The following PPM1E variants were observed in gnomAD, a reference collection of about 807,000 sequenced individuals.
PPM1E encodes the protein protein phosphatase 1E.
A neutral mutation model predicts 65.9 loss-of-function variants in PPM1E; 20 were observed. That is an observed-to-expected ratio of 0.30 (90% confidence interval 0.21 to 0.44). The LOEUF (loss-of-function observed/expected upper bound fraction) is 0.44, where lower values mean the gene tolerates loss of function less well. Among genes scored for constraint, PPM1E ranks in the 20% least tolerant of loss-of-function variants. PPM1E has a pLI of 1.00. For missense variants in PPM1E, 713 were observed against 953.1 expected, an observed-to-expected ratio of 0.75 and a Z score of 3.32; for synonymous variants, 352 against 374.9, an observed-to-expected ratio of 0.94 and a Z score of 0.70.
chr17:58,826,304 C>CAAAAAAAAAAAAAAAAAAAA (rs11479413), intron 1 of PPM1E, among the ~76,000 whole-genome samples: 1 of 111,044 alleles, frequency 9.0e-6, no homozygotes. Context: ...GACTCGATCT[C>CAAAAAAAAAAAAAAAAAAAA]AAAAAAAAAA....
chr17:58,867,143 G>A (rs748747483), intron 1 of PPM1E, among the ~76,000 whole-genome samples: 12 of 152,158 alleles, frequency 7.9e-5, no homozygotes, highest in Middle Eastern at 3.2e-3. Flanking sequence ...GCCACACCCA[G>A]CTAATGTTTG....
At chr17:58,921,045 A>G (rs1223527295) in intron 1 of PPM1E, among the ~76,000 whole-genome samples, 1 of 152,220 alleles carries the variant, frequency 6.6e-6, no homozygotes, top group Non-Finnish European at 1.5e-5. Flanking sequence ...TGATAGTCCA[A>G]ATAAAATGAA....
chr17:58,896,086 G>T (rs2051410931), intron 1 of PPM1E, among the ~76,000 whole-genome samples: 1 of 147,646 alleles, frequency 6.8e-6, no homozygotes, highest in Non-Finnish European at 1.5e-5. Context: ...CTGCACTCCA[G>T]CCTGGGTGAC....
At chr17:58,884,798 T>A (rs2051246710) in intron 1 of PPM1E, among the ~76,000 whole-genome samples, 2 of 152,324 alleles carry the variant, frequency 1.3e-5, no homozygotes, top group South Asian at 4.1e-4. Context: ...AATTAATTAG[T>A]TAATTAAAAT....
intron 1 of PPM1E, among the ~76,000 whole-genome samples, chr17:58,802,958 G>A (rs182708522): frequency 1.3e-5 from 2 of 152,076 alleles, no homozygotes; most frequent in Admixed American, 1.3e-4. Flanking sequence ...ATATATATTA[G>A]ATCATGCCAT....
At chr17:58,785,578 G>T (rs1049832046) in intron 1 of PPM1E, 11 of 148,878 alleles carry the variant, frequency 7.4e-5, no homozygotes, top group Admixed American at 2.7e-4. Context: ...CCAAAGTGCC[G>T]GGATTACAGG....
chr17:58,865,069 A>G (rs973142179), intron 1 of PPM1E, among the ~76,000 whole-genome samples: 4 of 152,068 alleles, frequency 2.6e-5, no homozygotes, highest in Admixed American at 6.6e-5. Flanking sequence ...GGTCCATCCT[A>G]TGAGGGAGAA....
At chr17:58,782,348 G>A (rs1340329120) in intron 1 of PPM1E, among the ~76,000 whole-genome samples, 6 of 151,264 alleles carry the variant, frequency 4.0e-5, no homozygotes, top group African/African-American at 1.5e-4. Flanking sequence ...TTTTTAAAAG[G>A]CAAGTGCAAC....
At chr17:58,803,442 G>C (rs973093737) in intron 1 of PPM1E, among the ~76,000 whole-genome samples, 2 of 152,126 alleles carry the variant, frequency 1.3e-5, no homozygotes, top group African/African-American at 4.8e-5. Context: ...TGATCATGGT[G>C]CATAGTCTTT....
chr17:58,934,904 G>A (rs2051957218), intron 1 of PPM1E, among the ~76,000 whole-genome samples: 1 of 150,584 alleles, frequency 6.6e-6, no homozygotes, highest in Non-Finnish European at 1.5e-5. Flanking sequence ...TCCAGCCTGG[G>A]CGACAGAGCG....
chr17:58,898,542 T>C (rs1163872319), intron 1 of PPM1E, among the ~76,000 whole-genome samples: 1 of 152,136 alleles, frequency 6.6e-6, no homozygotes, highest in African/African-American at 2.4e-5. Context: ...GAAATAGGAA[T>C]GCTTTTACAC....
At chr17:58,841,290 C>A (rs2050715089) in intron 1 of PPM1E, among the ~76,000 whole-genome samples, 1 of 152,110 alleles carries the variant, frequency 6.6e-6, no homozygotes, top group South Asian at 2.1e-4. Flanking sequence ...ATAGTGACTT[C>A]CTTCCAGAGT....
At chr17:58,919,219 A>G (rs532496518) in intron 1 of PPM1E, among the ~76,000 whole-genome samples, 2 of 152,238 alleles carry the variant, frequency 1.3e-5, no homozygotes, top group Non-Finnish European at 2.9e-5. Context: ...GAAGAAAACC[A>G]TAAGAGAAAT....
At chr17:58,857,543 T>C (rs2050896042) in intron 1 of PPM1E, among the ~76,000 whole-genome samples, 1 of 152,172 alleles carries the variant, frequency 6.6e-6, no homozygotes, top group African/African-American at 2.4e-5. Context: ...TGAAAAAATA[T>C]GTAACAGCTT....
chr17:58,781,139 C>CTTTT (rs35359689), intron 1 of PPM1E, among the ~76,000 whole-genome samples: 1 of 123,130 alleles, frequency 8.1e-6, no homozygotes, highest in African/African-American at 3.0e-5. Flanking sequence ...GTGCAGATGT[C>CTTTT]TTTTTTTTTT....
chr17:58,948,258 T>G (rs990366509), intron 1 of PPM1E, among the ~76,000 whole-genome samples: 6 of 152,192 alleles, frequency 3.9e-5, no homozygotes, highest in African/African-American at 1.4e-4. Context: ...GGAATGCTGT[T>G]GCGGCCTTTT....
chr17:58,923,284 C>CAAAAA (rs60557317), intron 1 of PPM1E, among the ~76,000 whole-genome samples: 9 of 102,482 alleles, frequency 8.8e-5, no homozygotes, highest in Non-Finnish European at 1.2e-4. Context: ...GACCCTATCT[C>CAAAAA]AAAAAAAAAA....
At position 58,854,646 on chromosome 17, in the gene PPM1E, A is replaced by G. The variant is rs561686955; in HGVS notation, c.464+98185A>G. The stretch of plus-strand genomic sequence containing the variant: ...GTTTTTTTGAATTTTGTCAAACATC[A>G]ATTGAGATGATCATGTGGGTTTTTT... On this transcript the variant is annotated intron_variant, in intron 1 of 6. Transcript: ENST00000308249. Among the ~76,000 whole-genome samples the G allele has an allele frequency of 1.2e-4, 18 of 152,130 alleles. No homozygotes were observed. In the East Asian group the frequency reaches 3.5e-3, roughly 29 times the overall value.
At chr17:58,832,861 TG>T (rs2050618775) in intron 1 of PPM1E, among the ~76,000 whole-genome samples, 1 of 152,204 alleles carries the variant, frequency 6.6e-6, no homozygotes, top group South Asian at 2.1e-4. Context: ...GTTACCAGGC[TG>T]GAGTGCAGTG....
Sources: gnomAD v4.1 joint callset for allele counts (sites outside exome capture counted in the v4.1 genomes callset) on GRCh38, gnomAD v4.1.1 for gene constraint, MANE v1.5 for transcripts, NCBI Gene and HGNC (gene_info 2026-07-23, HGNC 2026-07-21) for gene names.